The following MICALL2 variants were observed in gnomAD, a reference collection of about 807,000 sequenced individuals.
The protein encoded by MICALL2 is MICAL like 2.
In MICALL2, 111 loss-of-function variants were observed where a neutral mutation model predicts 91.1. That is an observed-to-expected ratio of 1.22 (90% confidence interval 1.04 to 1.43). The LOEUF is 1.43. Ranked by LOEUF, MICALL2 falls within the 40% of genes most tolerant of loss-of-function variation. The probability of loss-of-function intolerance (pLI) is 0.00; values close to 1 mark genes in which losing one functional copy is unlikely to be tolerated. For missense variants in MICALL2, 1,556 were observed against 1,236.0 expected (o/e 1.26, Z -3.88); for synonymous variants, 694 against 525.3 (o/e 1.32, Z -4.39).
intron 6 of MICALL2, among the ~76,000 whole-genome samples, chr7:1,444,321 C>T (rs1372186601): frequency 6.6e-6 from 1 of 152,040 alleles, no homozygotes; most frequent in South Asian, 2.1e-4. Flanking sequence ...CCTGTCCCCG[C>T]GTCCATGAAA....
intron 1 of MICALL2, chr7:1,450,494 TACG>T: frequency 1.7e-6 from 1 of 576,678 alleles, no homozygotes; most frequent in Non-Finnish European, 3.2e-6. Flanking sequence ...GGGACCGTAG[TACG>T]ACATCAGACG....
chr7:1,445,735 C>T (rs964404433), intron 5 of MICALL2, among the ~76,000 whole-genome samples: 1 of 152,194 alleles, frequency 6.6e-6, no homozygotes, highest in African/African-American at 2.4e-5. Flanking sequence ...TGCAGGTCAG[C>T]AGACACACAC....
intron 2 of MICALL2, among the ~76,000 whole-genome samples, chr7:1,448,985 G>A (rs1388433260): frequency 2.0e-5 from 3 of 152,256 alleles, no homozygotes; most frequent in Non-Finnish European, 4.4e-5. Flanking sequence ...CAGGCCGGTG[G>A]GCGCTCAAGG....
chr7:1,454,501 G>C (rs1562469379), intron 1 of MICALL2, among the ~76,000 whole-genome samples: 1 of 152,190 alleles, frequency 6.6e-6, no homozygotes, highest in Non-Finnish European at 1.5e-5. Flanking sequence ...AGGCCGCAGA[G>C]CCCCCACCTT....
Position 1,444,849 on chromosome 7 carries a change from G to A in MICALL2, c.1221C>T (p.Thr407=). Residue 407 remains threonine, a synonymous_variant, in exon 6 of 17, where the codon ACC becomes ACT. Coordinates refer to ENST00000297508, the MANE Select transcript of MICALL2 (RefSeq NM_182924.4). ...SAATVDPPAW[T]PSASRTQQAR... Reference sequence around the variant, plus strand: ...CCTGCTGGGTCCTGGAGGCGGACGGGGTCCAGGCTGGGGGGTCCACCGTGG... The same window carrying A: ...CCTGCTGGGTCCTGGAGGCGGACGGAGTCCAGGCTGGGGGGTCCACCGTGG... The A allele has an allele frequency of 6.2e-7, 1 of 1,605,468 alleles. No individual in the cohort carries two copies. Among genetic ancestry groups the A allele is most frequent in the Non-Finnish European group, 8.5e-7 (1 of 1,177,756 alleles).
intron 7 of MICALL2, 127 bp downstream of exon 7, chr7:1,442,065 A>C: frequency 6.5e-6 from 7 of 1,079,380 alleles, no homozygotes; most frequent in Non-Finnish European, 8.1e-6. Flanking sequence ...CACGGAGGAC[A>C]GAGATGAGAC....
chr7:1,448,148 CG>C, intron 3 of MICALL2: 1 of 243,064 alleles, frequency 4.1e-6, no homozygotes, highest in Non-Finnish European at 8.0e-6. Context: ...CAGTTCTATC[CG>C]GGGGCCCCAC....
intron 9 of MICALL2, chr7:1,439,666 T>C (rs1584203819): frequency 7.6e-6 from 3 of 393,682 alleles, no homozygotes; most frequent in Non-Finnish European, 1.3e-5. Context: ...ATCACACACA[T>C]GAACACAGAT....
Position 1,437,523 on chromosome 7 carries a change from C to G in MICALL2, c.2476+12G>C, listed in dbSNP as rs902435445. 6.6e-7 allele frequency: 1 copy of G among 1,514,666 alleles called. No individual in the cohort carries two copies. Among genetic ancestry groups the G allele is most frequent in the East Asian group, 2.5e-5 (1 of 40,000 alleles). 93.8% of individuals were successfully genotyped at this position (1,514,666 alleles called of 1,614,324 possible). ...TGGCTGGGGCCCCTTGGCTGGCGCG[C>G]GGGGGACGCACCGGGCTTGGCCATG... On this transcript the variant is annotated intron_variant, in intron 14 of 16. Transcript: ENST00000297508.
chr7:1,434,559 T>A lies in MICALL2; in HGVS notation c.*37A>T. ...CCATGGCCCCGAGTCCAAGTCCGGA[T>A]GCCAGGTCCGGGCCGAGCCCACGGC... On this transcript the variant is annotated 3_prime_UTR_variant, in exon 17 of 17. Transcript: ENST00000297508. The A allele has an allele frequency of 1.3e-6, 2 of 1,566,658 alleles. No homozygotes were observed. Among genetic ancestry groups the A allele is most frequent in the Non-Finnish European group, 1.8e-6 (2 of 1,137,384 alleles).
chr7:1,446,555 G>C (rs894345839), intron 5 of MICALL2, 158 bp downstream of exon 5: 6 of 563,762 alleles, frequency 1.1e-5, no homozygotes, highest in African/African-American at 2.3e-5. Flanking sequence ...GGCGGGAGGA[G>C]GGGAGACGGG....
At chr7:1,447,966 GC>G in intron 3 of MICALL2, 1 of 421,238 alleles carries the variant, frequency 2.4e-6, no homozygotes, top group Admixed American at 4.2e-5. Context: ...CCCACTCAGA[GC>G]CCCAGCTGGA....
At chr7:1,447,788 G>T (rs79384014) in intron 3 of MICALL2, 23 bp from the exon 4 acceptor site, 2 of 1,488,340 alleles carry the variant, frequency 1.3e-6, no homozygotes, top group Admixed American at 2.2e-5. Flanking sequence ...AGCAGGGATC[G>T]GGAGGGTCCC....
rs766236603 is a variant in MICALL2 at position 1,445,082 on chromosome 7, T to C, written c.988A>G (p.Thr330Ala). 7.1e-6 allele frequency: 11 copies of C among 1,550,270 alleles called. No individual in the cohort carries two copies. The East Asian group carries it at 2.7e-4, about 38-fold the overall frequency. The change falls in exon 6 of 17, where the codon ACT (threonine) becomes GCT (alanine). Residue 330 changes from threonine (T) to alanine (A), a missense_variant. Thr to Ala is a moderately conservative substitution (Grantham distance 58). Transcript: ENST00000297508. ...GGGCGGACTTTCCCCTCCGTGGGAG[T>C]GGGGGCCAGGCGGCTCTCAGAGGGC... ...ARPSESRLAP[T>A]PTEGKVRPRV...
At chr7:1,445,573 G>A (rs899054452) in intron 5 of MICALL2, 145 bp from the exon 6 acceptor site, 12 of 733,122 alleles carry the variant, frequency 1.6e-5, no homozygotes, top group African/African-American at 7.1e-5. Flanking sequence ...CATTCACCAC[G>A]TGCTCCTGAG....
At position 1,445,176 on chromosome 7, in the gene MICALL2, A is replaced by G; in HGVS notation, c.894T>C (p.Ala298=). Residue 298 remains alanine (A), a synonymous_variant, in exon 6 of 17, where the codon GCT becomes GCC. Transcript: ENST00000297508. The stretch of plus-strand genomic sequence containing the variant: ...CAGGGTTGGGTGCAGCTGGAACGGA[A>G]GCCCTGGCAGGCGAGTTGCCCGCAG... ...EPAAGNSPAR[A]SVPAAPNPAA... 1 of 1,587,934 alleles carries G rather than the reference A, an allele frequency of 6.3e-7. No homozygotes were observed. Among genetic ancestry groups the G allele is most frequent in the South Asian group, 1.1e-5 (1 of 87,722 alleles).
At chr7:1,435,358 G>A (rs917330865) in intron 15 of MICALL2, among the ~76,000 whole-genome samples, 1 of 152,234 alleles carries the variant, frequency 6.6e-6, no homozygotes, top group Non-Finnish European at 1.5e-5. Flanking sequence ...CCTCAACAGT[G>A]ACATGGTACA....
chr7:1,441,337 A>G (rs1418203013), intron 7 of MICALL2: 1 of 153,240 alleles, frequency 6.5e-6, no homozygotes, highest in Non-Finnish European at 1.5e-5. Context: ...CTCACTGCGT[A>G]GCCTGGCCAT....
At chr7:1,449,035 C>T (rs574775976) in intron 2 of MICALL2, among the ~76,000 whole-genome samples, 2 of 152,254 alleles carry the variant, frequency 1.3e-5, no homozygotes, top group African/African-American at 2.4e-5. Context: ...TACCCTTCAC[C>T]GGGAGAATCC....
Sources: gnomAD v4.1 joint callset for allele counts (sites outside exome capture counted in the v4.1 genomes callset) on GRCh38, gnomAD v4.1.1 for gene constraint, MANE v1.5 for transcripts, NCBI Gene and HGNC (gene_info 2026-07-23, HGNC 2026-07-21) for gene names.